The following NUGGC variants were observed in gnomAD, a reference collection of about 807,000 sequenced individuals.
The protein encoded by NUGGC is nuclear GTPase, germinal center associated, also known as nuclear GTPase SLIP-GC.
In NUGGC, 58 loss-of-function variants were observed where a neutral mutation model predicts 92.6. The observed-to-expected ratio is 0.63, with a 90% confidence interval of 0.51 to 0.78. The LOEUF (loss-of-function observed/expected upper bound fraction) is 0.78. Among genes scored for constraint, NUGGC ranks in the 30% least tolerant of loss-of-function variants. The probability of loss-of-function intolerance (pLI) is 0.00; values close to 1 mark genes in which losing one functional copy is unlikely to be tolerated. For synonymous variants in NUGGC, 376 were observed against 366.4 expected (o/e 1.03, Z -0.30); for missense variants, 925 against 964.6 (o/e 0.96, Z 0.54).
rs75223072 is a variant in NUGGC at position 28,083,241 on chromosome 8, T to C, written c.-47+534A>G. On this transcript the variant is annotated intron_variant, in intron 1 of 18. Transcript: ENST00000413272. ...TCAACACCAACAGTCCTAAATCATG[T>C]TGACAATATTATCCCTTGATATGAT... 8.7e-3 allele frequency among the ~76,000 whole-genome samples: 1,318 copies of C among 152,324 alleles called. 15 individuals carry two copies. Among genetic ancestry groups the C allele is most frequent in the East Asian group, 0.028 (146 of 5,186 alleles).
At chr8:28,057,689 T>C (rs1810182879) in intron 9 of NUGGC, among the ~76,000 whole-genome samples, 2 of 152,186 alleles carry the variant, frequency 1.3e-5, no homozygotes, top group South Asian at 4.1e-4. Flanking sequence ...ATTTTAAGAA[T>C]ACAGAACATA....
chr8:28,023,046 G>T lies in NUGGC; in HGVS notation c.*271C>A, dbSNP rs1809157123. The T allele has an allele frequency of 1.1e-5, 3 of 272,332 alleles. No homozygotes were observed. The highest frequency in any genetic ancestry group is 2.1e-5 in the Non-Finnish European group (3 of 146,274). 16.9% of individuals were successfully genotyped at this position (272,332 alleles called of 1,614,324 possible). A position where few individuals can be genotyped will look rare whatever the true frequency, so the allele number is the denominator to read the frequency against. On this transcript the variant is annotated 3_prime_UTR_variant, in exon 19 of 19. Transcript: ENST00000413272. ...GATTGCACCACTGCATTCCAGCCTGGGTGACACAGCGAGACTCTGTCTCAA... is the reference window on the plus strand; with the variant it reads ...GATTGCACCACTGCATTCCAGCCTGTGTGACACAGCGAGACTCTGTCTCAA...
At chr8:28,030,180 G>A in intron 16 of NUGGC, 130 bp downstream of exon 16, 3 of 635,104 alleles carry the variant, frequency 4.7e-6, no homozygotes, top group South Asian at 3.6e-5. Context: ...TGCAATGTGT[G>A]GACTGAGAGT....
intron 10 of NUGGC, among the ~76,000 whole-genome samples, chr8:28,052,226 TC>T (rs1193425028): frequency 2.6e-5 from 4 of 152,148 alleles, no homozygotes; most frequent in African/African-American, 9.7e-5. Flanking sequence ...GCACATTGTT[TC>T]CCCGTTTAAT....
chr8:28,024,794 C>A (rs867774221), intron 18 of NUGGC, among the ~76,000 whole-genome samples: 1 of 152,194 alleles, frequency 6.6e-6, no homozygotes, highest in Admixed American at 6.5e-5. Flanking sequence ...ATCAACCTAA[C>A]CTTTGAGGCT....
At chr8:28,057,398 G>A (rs902796807) in intron 9 of NUGGC, among the ~76,000 whole-genome samples, 4 of 147,010 alleles carry the variant, frequency 2.7e-5, no homozygotes, top group African/African-American at 5.1e-5. Context: ...CTGGAGTGCA[G>A]TGGCGCGATC....
intron 18 of NUGGC, among the ~76,000 whole-genome samples, chr8:28,024,172 C>T (rs925867071): frequency 4.0e-5 from 6 of 151,876 alleles, no homozygotes; most frequent in Non-Finnish European, 8.8e-5. Flanking sequence ...AGGCACCCAC[C>T]ACCTCGCCTA....
chr8:28,026,813 A>C, intron 18 of NUGGC, 149 bp downstream of exon 18: 1 of 633,212 alleles, frequency 1.6e-6, no homozygotes, highest in Non-Finnish European at 2.9e-6. Context: ...CATCGTCATC[A>C]TCTCCATTCC....
At position 28,023,104 on chromosome 8, in the gene NUGGC, G is replaced by T. The variant is rs917385014; in HGVS notation, c.*213C>A. On this transcript the variant is annotated 3_prime_UTR_variant, in exon 19 of 19. Transcript: ENST00000413272. ...AAAAAAAAAATTACCCAGGTGTGGT[G>T]GCCTGTACCTGTAGCCCCAGCTGCT... 1 of 485,624 alleles carries T rather than the reference G, an allele frequency of 2.1e-6. No homozygotes were observed. Among genetic ancestry groups the T allele is most frequent in the Non-Finnish European group, 3.6e-6 (1 of 278,370 alleles). The allele number at this position is 485,624 out of a possible 1,614,324, so 30.1% of individuals were successfully genotyped here. A position where few individuals can be genotyped will look rare whatever the true frequency, so the allele number is the denominator to read the frequency against.
intron 1 of NUGGC, among the ~76,000 whole-genome samples, chr8:28,081,316 G>A (rs770261363): frequency 2.0e-5 from 3 of 148,704 alleles, no homozygotes; most frequent in Admixed American, 6.9e-5. Context: ...GAGACTCCAC[G>A]TCAAAAAAAT....
At chr8:28,075,251 G>A (rs147973516) in intron 1 of NUGGC, among the ~76,000 whole-genome samples, 13 of 152,230 alleles carry the variant, frequency 8.5e-5, no homozygotes, top group African/African-American at 2.9e-4. Context: ...CTCACCAAGC[G>A]CAACTTCCAC....
intron 18 of NUGGC, among the ~76,000 whole-genome samples, chr8:28,024,165 C>T (rs1200248964): frequency 6.6e-6 from 1 of 151,752 alleles, no homozygotes; most frequent in East Asian, 1.9e-4. Context: ...GGATTACAGG[C>T]ACCCACCACC....
chr8:28,057,971 C>T (rs1272820730), intron 9 of NUGGC, among the ~76,000 whole-genome samples: 1 of 152,182 alleles, frequency 6.6e-6, no homozygotes, highest in Non-Finnish European at 1.5e-5. Context: ...GCCGGTGGAT[C>T]ACCTGAGGTC....
At chr8:28,061,433 C>T (rs534173722) in intron 7 of NUGGC, among the ~76,000 whole-genome samples, 7 of 152,316 alleles carry the variant, frequency 4.6e-5, no homozygotes, top group African/African-American at 1.2e-4. Flanking sequence ...TCTGGTTCAA[C>T]TCAGGGATTG....
In NUGGC at chr8:28,045,607, T is replaced by C. The variant is rs373092592; in HGVS notation, c.1366A>G (p.Arg456Gly). 1.8e-4 allele frequency: 292 copies of C among 1,612,960 alleles called. No individual in the cohort carries two copies. Among genetic ancestry groups the C allele is most frequent in the Non-Finnish European group, 2.4e-4 (284 of 1,179,566 alleles). The change falls in exon 12 of 19, where the codon AGG becomes GGG. Residue 456 changes from arginine to glycine, a missense_variant. Physicochemically the swap from Arg to Gly is moderately radical, Grantham distance 125. Coordinates refer to ENST00000413272, the MANE Select transcript of NUGGC (RefSeq NM_001010906.2). ...TCAGTCACATACTTGGTCACTGTCC[T>C]CTTCTTCTTGTCCAAGAGGCTCTTC... ...IRKSLLDKKK[R>G]TVTKYVTEAF...
intron 1 of NUGGC, among the ~76,000 whole-genome samples, chr8:28,079,827 G>A (rs934284931): frequency 6.6e-6 from 1 of 152,256 alleles, no homozygotes; most frequent in Admixed American, 6.5e-5. Flanking sequence ...AGGCTGTTGA[G>A]TGGGGAGAGA....
intron 8 of NUGGC, among the ~76,000 whole-genome samples, chr8:28,059,891 G>A (rs62496856): frequency 0.17 from 25,989 of 151,932 alleles, 2,769 homozygotes; most frequent in Middle Eastern, 0.26. Flanking sequence ...TGGACCGGCC[G>A]GCGCCTGTAA....
chr8:28,059,140 C>G (rs980884142), intron 8 of NUGGC, among the ~76,000 whole-genome samples: 3 of 152,082 alleles, frequency 2.0e-5, no homozygotes, highest in African/African-American at 7.2e-5. Context: ...AAGGGAATTC[C>G]TGGAGACAGC....
At position 28,072,551 on chromosome 8, in the gene NUGGC, T is replaced by A. The variant is rs79991680; in HGVS notation, c.43+1817A>T. On this transcript the variant is annotated intron_variant, in intron 2 of 18. Coordinates refer to ENST00000413272, the MANE Select transcript of NUGGC (RefSeq NM_001010906.2). ...ATAAAACAAGGGCCAAGTCCACACA[T>A]CCAGGGCCCTTATTTCAACATTGTA... 2.7e-3 allele frequency among the ~76,000 whole-genome samples: 409 copies of A among 152,178 alleles called. 1 individual carries two copies. The highest frequency in any genetic ancestry group is 9.4e-3 in the African/African-American group (390 of 41,514).
Sources: gnomAD v4.1 joint callset for allele counts (sites outside exome capture counted in the v4.1 genomes callset) on GRCh38, gnomAD v4.1.1 for gene constraint, MANE v1.5 for transcripts, NCBI Gene and HGNC (gene_info 2026-07-23, HGNC 2026-07-21) for gene names.